The following RAD50 variants were observed in gnomAD, a reference collection of about 807,000 sequenced individuals.
RAD50 encodes the protein RAD50 double strand break repair protein, also known as DNA repair protein RAD50.
In RAD50, 132 loss-of-function variants were observed where a neutral mutation model predicts 168.8. The observed-to-expected ratio is 0.78, with a 90% CI of 0.68 to 0.90. The LOEUF is 0.90. RAD50 is among the 40% of genes least tolerant of loss of function. The pLI is 0.00. For missense variants in RAD50, 1,347 were observed against 1,534.4 expected, an observed-to-expected ratio of 0.88 and a Z score of 2.04; for synonymous variants, 525 against 497.4, an observed-to-expected ratio of 1.06 and a Z score of -0.74.
intron 2 of RAD50, among the ~76,000 whole-genome samples, chr5:132,563,784 A>G (rs964631932): frequency 6.6e-6 from 1 of 152,192 alleles, no homozygotes; most frequent in Admixed American, 6.5e-5. Flanking sequence ...TGTAACCCCC[A>G]TTGTTGGAGG....
rs1750930558 is a variant in RAD50, at chr5:132,603,816, A to C, written c.2398-104A>C. The C allele has an allele frequency of 3.6e-6, 4 of 1,122,696 alleles. No individual in the cohort carries two copies. The South Asian group carries it at 4.5e-5, about 13-fold the overall frequency. 69.5% of individuals were successfully genotyped at this position (1,122,696 alleles called of 1,614,324 possible). A position where few individuals can be genotyped will look rare whatever the true frequency, so the allele number is the denominator to read the frequency against. On this transcript the variant is annotated intron_variant, in intron 14 of 24. Transcript: ENST00000378823. ...CTAAAATTGTATCTAGAAATGGTTT[A>C]TAAGTTTAGATTTAAAAAATAAATG...
chr5:132,562,983 AAGAAG>A (rs1295868789), intron 2 of RAD50, among the ~76,000 whole-genome samples: 2 of 152,222 alleles, frequency 1.3e-5, no homozygotes, highest in East Asian at 1.9e-4. Flanking sequence ...TAGCTCAAGA[AAGAAG>A]AGGAGTGTTT....
intron 13 of RAD50, among the ~76,000 whole-genome samples, chr5:132,598,395 C>T (rs1006039908): frequency 2.6e-5 from 4 of 152,206 alleles, no homozygotes; most frequent in African/African-American, 9.6e-5. Flanking sequence ...CTCGTTGTAT[C>T]TCCACAGTTC....
At chr5:132,583,737 A>G (rs1219164795) in intron 5 of RAD50, among the ~76,000 whole-genome samples, 1 of 127,280 alleles carries the variant, frequency 7.9e-6, no homozygotes, top group South Asian at 2.4e-4. Flanking sequence ...CTTATTGCCC[A>G]GGCTGGAGTG....
In RAD50 at chr5:132,608,730, G is replaced by A; in HGVS notation, c.2829+5G>A. 6.4e-7 allele frequency: 1 copy of A among 1,571,542 alleles called. No individual in the cohort carries two copies. Among genetic ancestry groups the A allele is most frequent in the East Asian group, 2.4e-5 (1 of 41,760 alleles). ...AACAAAATAGCACAGGATAAAGTAA[G>A]ATTTCATTTATATATTTACTTATCA... is the stretch of plus-strand genomic sequence containing the variant. On this transcript the variant is annotated splice_donor_5th_base_variant and intron_variant, in intron 17 of 24. Coordinates refer to ENST00000378823, the MANE Select transcript of RAD50 (RefSeq NM_005732.4).
intron 6 of RAD50, 111 bp from the exon 7 acceptor site, chr5:132,587,813 A>G: frequency 1.3e-6 from 2 of 1,533,246 alleles, no homozygotes; most frequent in Non-Finnish European, 1.8e-6. Context: ...ACTTCTATGT[A>G]TATGTTAAAA....
chr5:132,622,007 C>T (rs1370093640), intron 21 of RAD50, among the ~76,000 whole-genome samples: 4 of 152,098 alleles, frequency 2.6e-5, no homozygotes, highest in Admixed American at 6.6e-5. Flanking sequence ...CTCTACATTG[C>T]TTAACCCCTC....
rs372194471 is a variant in RAD50 at position 132,605,012 on chromosome 5, A to G, written c.2718+13A>G. ...CAGAGAGATAAAGGTAAGAATATCC[A>G]TACATGTTTTTTGTAAAATTATTTT... On this transcript the variant is annotated intron_variant, in intron 16 of 24. Coordinates refer to ENST00000378823, the MANE Select transcript of RAD50 (RefSeq NM_005732.4). 56 of 1,524,838 alleles carry G rather than the reference A, an allele frequency of 3.7e-5. 1 individual carries two copies. In the African/African-American group the frequency reaches 6.8e-4, roughly 19 times the overall value. The allele number at this position is 1,524,838 out of a possible 1,614,324, so 94.5% of individuals were successfully genotyped here.
chr5:132,570,903 G>T (rs1004290136), intron 2 of RAD50, among the ~76,000 whole-genome samples: 4 of 152,084 alleles, frequency 2.6e-5, no homozygotes, highest in Admixed American at 2.0e-4. Context: ...TCTAGTTTTT[G>T]ATTTAAAACG....
At chr5:132,563,035 A>G (rs1381949669) in intron 2 of RAD50, among the ~76,000 whole-genome samples, 4 of 152,230 alleles carry the variant, frequency 2.6e-5, no homozygotes, top group African/African-American at 9.6e-5. Context: ...TGACAAAACC[A>G]GTTCCAGTAA....
rs183504163 is a variant in RAD50 at position 132,620,733 on chromosome 5, T to A, written c.3389+2439T>A. Among the ~76,000 whole-genome samples, 455 of 152,298 alleles carry A rather than the reference T, an allele frequency of 3.0e-3. 1 individual carries two copies. The highest frequency in any genetic ancestry group is 4.5e-3 in the Non-Finnish European group (309 of 68,020). On this transcript the variant is annotated intron_variant, in intron 21 of 24. Transcript: ENST00000378823. ...AATCCACATATAACTTTTGATTCCC[T>A]CAGAACTTAACTACTAATAGCCTAC...
rs766315644 is a variant in RAD50, at chr5:132,587,637, C to T, written c.832C>T (p.Arg278Ter). ...CAATGAAATTAAAGCCTTGGATAGC[C>T]GAAAGAAGCAAATGGAGAAAGATAA... ...LDNEIKALDS[R>*]KKQMEKDNSE... Residue 278 changes from arginine (R) to a stop codon, truncating the protein, a stop_gained, in exon 6 of 25, where the codon CGA becomes TGA. Coordinates refer to ENST00000378823, the MANE Select transcript of RAD50 (RefSeq NM_005732.4). LOFTEE classifies it high-confidence loss of function. 3.2e-5 allele frequency: 51 copies of T among 1,613,250 alleles called. No individual in the cohort carries two copies. The highest frequency in any genetic ancestry group is 1.3e-4 in the Admixed American group (8 of 59,962).
In RAD50 at chr5:132,609,401, G is replaced by A. The variant is rs181016343; in HGVS notation, c.3036+5G>A. On this transcript the variant is annotated splice_donor_5th_base_variant and intron_variant, in intron 19 of 24. Coordinates refer to ENST00000378823, the MANE Select transcript of RAD50 (RefSeq NM_005732.4). ...CAAGATATTGATACACAGAAGGTAG[G>A]TCTGTTTTGCTTATGATATCACTTA... is the stretch of plus-strand genomic sequence containing the variant. 7.5e-4 allele frequency: 1,212 copies of A among 1,613,382 alleles called. 7 individuals carry two copies. The Middle Eastern group carries it at 0.015, about 20-fold the overall frequency.
At chr5:132,635,477 C>G (rs1294873910) in intron 21 of RAD50, among the ~76,000 whole-genome samples, 1 of 152,218 alleles carries the variant, frequency 6.6e-6, no homozygotes, top group Non-Finnish European at 1.5e-5. Context: ...GTCATCAACT[C>G]CATCCGACAC....
intron 5 of RAD50, among the ~76,000 whole-genome samples, chr5:132,584,938 G>C (rs1196915141): frequency 7.3e-6 from 1 of 136,626 alleles, no homozygotes; most frequent in Non-Finnish European, 1.5e-5. Flanking sequence ...ATCACACACT[G>C]GGTCCTGTTG....
At chr5:132,631,557 C>T (rs545849944) in intron 21 of RAD50, among the ~76,000 whole-genome samples, 1 of 152,312 alleles carries the variant, frequency 6.6e-6, no homozygotes, top group East Asian at 1.9e-4. Context: ...TTGACCATAA[C>T]AGTTTGCAGC....
chr5:132,572,513 C>T (rs578186574), intron 2 of RAD50, among the ~76,000 whole-genome samples: 11 of 151,560 alleles, frequency 7.3e-5, no homozygotes, highest in Non-Finnish European at 7.4e-5. Flanking sequence ...AAAAATATAC[C>T]GTGCCAGCTA....
At chr5:132,631,308 T>C (rs754079747) in intron 21 of RAD50, among the ~76,000 whole-genome samples, 3 of 151,970 alleles carry the variant, frequency 2.0e-5, no homozygotes, top group African/African-American at 4.8e-5. Context: ...TTAGTAGAGA[T>C]AGAGTTTTAC....
intron 21 of RAD50, chr5:132,630,548 C>G (rs2149859291): frequency 2.6e-5 from 4 of 152,330 alleles, no homozygotes; most frequent in Admixed American, 2.6e-4. Context: ...GCTCCTGCAA[C>G]CTCAAGAGGG....
Sources: gnomAD v4.1 joint callset for allele counts (sites outside exome capture counted in the v4.1 genomes callset) on GRCh38, gnomAD v4.1.1 for gene constraint, MANE v1.5 for transcripts, NCBI Gene and HGNC (gene_info 2026-07-23, HGNC 2026-07-21) for gene names.